Variants in PLSCR1 observed in about 807,000 individuals in gnomAD.
The protein encoded by PLSCR1 is phospholipid scramblase 1, also known as PL scramblase 1.
Under a neutral mutation model 37.8 loss-of-function variants are expected in PLSCR1, and 17 were observed. That is an observed-to-expected ratio of 0.45 (90% CI 0.31 to 0.68). The LOEUF is 0.68. Among genes scored for constraint, PLSCR1 ranks in the 30% least tolerant of loss-of-function variants. The probability of loss-of-function intolerance (pLI) is 0.06; values close to 1 mark genes in which losing one functional copy is unlikely to be tolerated. For synonymous variants in PLSCR1, 116 were observed against 125.9 expected, an observed-to-expected ratio of 0.92 and a Z score of 0.53; for missense variants, 347 against 380.9, an observed-to-expected ratio of 0.91 and a Z score of 0.74.
chr3:146,524,507 A>G (rs2044079120), intron 5 of PLSCR1, among the ~76,000 whole-genome samples: 1 of 151,990 alleles, frequency 6.6e-6, no homozygotes, highest in Non-Finnish European at 1.5e-5. Flanking sequence ...GGAACTTTCT[A>G]TTTCATAATT....
intron 7 of PLSCR1, among the ~76,000 whole-genome samples, chr3:146,518,223 TG>T (rs2043972386): frequency 6.6e-6 from 1 of 152,170 alleles, no homozygotes; most frequent in Non-Finnish European, 1.5e-5. Context: ...TCCTTAAACT[TG>T]GCTAAGTGCT....
chr3:146,534,875 CAAATAAATAAAT>C (rs964315992), intron 2 of PLSCR1, among the ~76,000 whole-genome samples: 1 of 151,892 alleles, frequency 6.6e-6, no homozygotes, highest in Non-Finnish European at 1.5e-5. Context: ...GACTCCATCT[CAAATAAATAAAT>C]AAATAAATAA....
chr3:146,529,579 C>T (rs1213607279), intron 3 of PLSCR1, among the ~76,000 whole-genome samples: 1 of 150,884 alleles, frequency 6.6e-6, no homozygotes, highest in South Asian at 2.1e-4. Context: ...GTGGCATCAT[C>T]TCTGCTCACT....
At chr3:146,525,799 A>G in intron 4 of PLSCR1, 152 bp from the exon 5 acceptor site, 1 of 463,370 alleles carries the variant, frequency 2.2e-6, no homozygotes, top group Non-Finnish European at 3.9e-6. Context: ...TGTAAAACTG[A>G]AGTTAATATT....
chr3:146,528,056 T>C (rs2587027), intron 4 of PLSCR1: 23,348 of 152,272 alleles, frequency 0.15, 1,889 homozygotes, highest in Admixed American at 0.22. Context: ...AGTCATATTA[T>C]ACATAAAATA....
In PLSCR1 at chr3:146,518,828, T is replaced by C. The variant is rs541175218; in HGVS notation, c.739-1661A>G. ...TAGACATTTTGGAATAGAAAATCACTATAATAAAATGTCAACATTTGGAAA... is the reference window on the plus strand; with the variant it reads ...TAGACATTTTGGAATAGAAAATCACCATAATAAAATGTCAACATTTGGAAA... On this transcript the variant is annotated intron_variant, in intron 7 of 8. Coordinates refer to ENST00000342435, the MANE Select transcript of PLSCR1 (RefSeq NM_021105.3). Among the ~76,000 whole-genome samples the C allele has an allele frequency of 8.3e-4, 127 of 152,288 alleles. 2 individuals carry two copies. The highest frequency in any genetic ancestry group is 2.8e-3 in the African/African-American group (116 of 41,580).
In PLSCR1 at chr3:146,522,442, G is replaced by A. The variant is rs139905162; in HGVS notation, c.356-389C>T. Reference sequence around the variant, plus strand: ...GTGCTGTGTCAATTTAGGGTTAAATGGATTAAGGGCTGTGCAGGATGTGCT... The same window carrying A: ...GTGCTGTGTCAATTTAGGGTTAAATAGATTAAGGGCTGTGCAGGATGTGCT... On this transcript the variant is annotated intron_variant, in intron 5 of 8. Transcript: ENST00000342435. Among the ~76,000 whole-genome samples, 565 of 150,860 alleles carry A rather than the reference G, an allele frequency of 3.7e-3. 5 individuals are homozygous for A. Among genetic ancestry groups the A allele is most frequent in the African/African-American group, 0.013 (542 of 41,316 alleles).
chr3:146,527,254 T>C (rs570767516), intron 4 of PLSCR1, among the ~76,000 whole-genome samples: 4 of 152,184 alleles, frequency 2.6e-5, no homozygotes, highest in Non-Finnish European at 5.9e-5. Context: ...AGGAATAAAT[T>C]CTAGTGTTCT....
chr3:146,530,250 A>G (rs890884965), intron 3 of PLSCR1, among the ~76,000 whole-genome samples: 2 of 152,244 alleles, frequency 1.3e-5, no homozygotes, highest in African/African-American at 4.8e-5. Context: ...TAAATGGATC[A>G]TTTATGATAA....
rs973089381 is a variant in PLSCR1, at chr3:146,528,425, T to C, written c.312+189A>G. On this transcript the variant is annotated intron_variant, in intron 4 of 8. Transcript: ENST00000342435. ...AGATTGTATTTAAGATAACAGAAAA[T>C]ACAATTTTCTAAGGCATTTGTATTT... The C allele has an allele frequency of 2.2e-5, 13 of 598,522 alleles. 1 individual carries two copies. The highest frequency in any genetic ancestry group is 4.4e-4 in the Middle Eastern group (1 of 2,276). 37.1% of individuals were successfully genotyped at this position (598,522 alleles called of 1,614,324 possible).
chr3:146,521,954 T>C lies in PLSCR1; in HGVS notation c.455A>G (p.Asn152Ser). The C allele has an allele frequency of 6.2e-7, 1 of 1,613,038 alleles. No homozygotes were observed. Among genetic ancestry groups the C allele is most frequent in the Non-Finnish European group, 8.5e-7 (1 of 1,178,996 alleles). The change falls in exon 6 of 9, where the codon AAT (asparagine) becomes AGT (serine). Residue 152 changes from asparagine to serine, a missense_variant. Physicochemically the swap from Asn to Ser is conservative, Grantham distance 46. Transcript: ENST00000342435. Reference sequence around the variant, plus strand: ...AAAAGGTCTAGATGGCCCACAGCAATTTCGGGTACAGCAATCAGTATCTTC... The same window carrying C: ...AAAAGGTCTAGATGGCCCACAGCAACTTCGGGTACAGCAATCAGTATCTTC... ...AAEDTDCCTR[N>S]CCGPSRPFTL... is the part of the protein sequence containing the mutation.
At chr3:146,520,545 A>G (rs1458270038) in intron 7 of PLSCR1, among the ~76,000 whole-genome samples, 7 of 152,196 alleles carry the variant, frequency 4.6e-5, no homozygotes, top group Middle Eastern at 3.2e-3. Context: ...TAAAGTTTCT[A>G]TATCACATCC....
At chr3:146,537,056 G>A (rs1359233789) in intron 1 of PLSCR1, among the ~76,000 whole-genome samples, 1 of 152,064 alleles carries the variant, frequency 6.6e-6, no homozygotes, top group Non-Finnish European at 1.5e-5. Flanking sequence ...GGGAAATGTA[G>A]GTCTTGTGGA....
intron 7 of PLSCR1, among the ~76,000 whole-genome samples, chr3:146,518,250 A>ATCT (rs1402579069): frequency 6.6e-6 from 1 of 152,156 alleles, no homozygotes; most frequent in Non-Finnish European, 1.5e-5. Flanking sequence ...CTGGCTTATG[A>ATCT]TCTTCAGTGA....
At position 146,516,042 on chromosome 3, in the gene PLSCR1, C is replaced by A; in HGVS notation, c.*3G>T. The A allele has an allele frequency of 6.3e-7, 1 of 1,594,574 alleles. No homozygotes were observed. The highest frequency in any genetic ancestry group is 2.2e-5 in the East Asian group (1 of 44,600). On this transcript the variant is annotated 3_prime_UTR_variant, in exon 9 of 9. Transcript: ENST00000342435. ...ATTTCCTGAGGAGACTTTCACTAAT[C>A]CACTACCACACTCCTGATTTTTGTT...
At chr3:146,526,495 T>C (rs1255273530) in intron 4 of PLSCR1, among the ~76,000 whole-genome samples, 2 of 152,160 alleles carry the variant, frequency 1.3e-5, no homozygotes, top group African/African-American at 4.8e-5. Flanking sequence ...GCAATCCCAC[T>C]ACTGTTTTTT....
chr3:146,538,871 T>A (rs371701328), intron 1 of PLSCR1, among the ~76,000 whole-genome samples: 2 of 152,168 alleles, frequency 1.3e-5, no homozygotes, highest in Non-Finnish European at 2.9e-5. Flanking sequence ...TCAAGTCCCA[T>A]GCAAGCCAGA....
intron 2 of PLSCR1, 29 bp from the exon 3 acceptor site, chr3:146,533,579 T>G (rs1191144003): frequency 7.8e-7 from 1 of 1,279,502 alleles, no homozygotes. Flanking sequence ...TAAATAGATG[T>G]CTGATTAAAT....
In PLSCR1 at chr3:146,521,326, A is replaced by G. The variant is rs543980932; in HGVS notation, c.738+218T>C. ...GATTTGCTTATTTTTATTTGACTAC[A>G]TAGGTCTGCTTCTTTTTTTTCCATT... On this transcript the variant is annotated intron_variant, in intron 7 of 8. Transcript: ENST00000342435. Among the ~76,000 whole-genome samples the G allele has an allele frequency of 8.2e-4, 125 of 152,310 alleles. 1 individual carries two copies. The highest frequency in any genetic ancestry group is 2.7e-3 in the African/African-American group (114 of 41,570).
Sources: gnomAD v4.1 joint callset for allele counts (sites outside exome capture counted in the v4.1 genomes callset) on GRCh38, gnomAD v4.1.1 for gene constraint, MANE v1.5 for transcripts, NCBI Gene and HGNC (gene_info 2026-07-23, HGNC 2026-07-21) for gene names.